The following ATG10 variants were observed in gnomAD, a reference collection of about 807,000 sequenced individuals.
ATG10 encodes the protein ubiquitin-like-conjugating enzyme ATG10.
In ATG10, 30 loss-of-function variants were observed where a neutral mutation model predicts 32.1. That is an observed-to-expected ratio of 0.94 (90% CI 0.70 to 1.27). ATG10 has a LOEUF of 1.27. ATG10 is among the 50% of genes most tolerant of loss of function. The pLI, the probability that ATG10 is intolerant of heterozygous loss-of-function variation, is 0.00. For synonymous variants in ATG10, 87 were observed against 91.5 expected, an observed-to-expected ratio of 0.95 and a Z score of 0.28; for missense variants, 233 against 262.3, an observed-to-expected ratio of 0.89 and a Z score of 0.77.
At chr5:81,983,412 C>A (rs1327851622) in intron 1 of ATG10, among the ~76,000 whole-genome samples, 8 of 130,804 alleles carry the variant, frequency 6.1e-5, no homozygotes, top group African/African-American at 2.3e-4. Flanking sequence ...AGGCGGGGGG[C>A]TGACTCCCCC....
chr5:82,120,471 A>C (rs1158344556), intron 3 of ATG10, among the ~76,000 whole-genome samples: 1 of 152,206 alleles, frequency 6.6e-6, no homozygotes, highest in Non-Finnish European at 1.5e-5. Flanking sequence ...AGGACTAGTC[A>C]GGCAGGGAAA....
intron 1 of ATG10, among the ~76,000 whole-genome samples, chr5:81,974,659 C>T (rs992397900): frequency 2.0e-5 from 3 of 152,240 alleles, no homozygotes; most frequent in African/African-American, 7.2e-5. Context: ...GGCTGGAGTG[C>T]AGTGGCTATT....
chr5:82,094,225 T>C (rs1458635517), intron 3 of ATG10, among the ~76,000 whole-genome samples: 1 of 152,158 alleles, frequency 6.6e-6, no homozygotes, highest in Non-Finnish European at 1.5e-5. Context: ...ATCTCAGGAA[T>C]CACTGCCCAT....
intron 5 of ATG10, among the ~76,000 whole-genome samples, chr5:82,215,923 G>A (rs896383647): frequency 4.2e-5 from 6 of 141,334 alleles, no homozygotes; most frequent in African/African-American, 1.1e-4. Context: ...CAACAAGAGC[G>A]AAACTCCATC....
chr5:82,104,482 A>T (rs1473145085), intron 3 of ATG10, among the ~76,000 whole-genome samples: 2 of 152,048 alleles, frequency 1.3e-5, no homozygotes, highest in Non-Finnish European at 2.9e-5. Context: ...TAAGTTATTA[A>T]TATAAAAAAT....
intron 2 of ATG10, among the ~76,000 whole-genome samples, chr5:82,040,059 C>T (rs1239804030): frequency 6.6e-6 from 1 of 152,126 alleles, no homozygotes; most frequent in East Asian, 1.9e-4. Context: ...TCCTACATAG[C>T]TTCTCAGGGC....
At chr5:82,025,907 A>G (rs920879133) in intron 2 of ATG10, among the ~76,000 whole-genome samples, 2 of 152,208 alleles carry the variant, frequency 1.3e-5, no homozygotes, top group African/African-American at 4.8e-5. Context: ...ATTTTTTAAG[A>G]TTATGGTAAA....
At chr5:82,063,668 T>G (rs1248418471) in intron 3 of ATG10, among the ~76,000 whole-genome samples, 1 of 152,042 alleles carries the variant, frequency 6.6e-6, no homozygotes, top group Non-Finnish European at 1.5e-5. Context: ...AATTTTTGTA[T>G]TTTTGTAGAG....
intron 3 of ATG10, among the ~76,000 whole-genome samples, chr5:82,119,322 C>G (rs1413477161): frequency 6.6e-6 from 1 of 151,926 alleles, no homozygotes; most frequent in African/African-American, 2.4e-5. Context: ...ACTTTTAAAG[C>G]AATTAAAAGA....
Position 82,252,631 on chromosome 5 carries a change from G to A in ATG10, c.523G>A (p.Val175Ile). 5.0e-6 allele frequency: 8 copies of A among 1,599,442 alleles called. No individual in the cohort carries two copies. Among genetic ancestry groups the A allele is most frequent in the Non-Finnish European group, 6.8e-6 (8 of 1,173,376 alleles). The change falls in exon 6 of 8, where the codon GTA becomes ATA. Residue 175 changes from valine (V) to isoleucine (I), a missense_variant. Val to Ile is a conservative substitution (Grantham distance 29). Transcript: ENST00000282185. ...CAAGACGAATGAATTCATGACTCCT[G>A]TATTAAAGAATTCTCAGAAAATCAA... is the stretch of plus-strand genomic sequence containing the variant. ...PCKTNEFMTP[V>I]LKNSQKINKN...
chr5:81,995,998 C>T lies in ATG10; in HGVS notation c.108+8320C>T, dbSNP rs916106526. Among the ~76,000 whole-genome samples the T allele has an allele frequency of 2.3e-4, 35 of 152,174 alleles. 1 individual carries two copies. Among genetic ancestry groups the T allele is most frequent in the African/African-American group, 7.2e-4 (30 of 41,520 alleles). ...TGATGCAGATCTAGATAACTAGTTGCGATTCTGCTGCGATTGCTAAATATT... is the reference window on the plus strand; with the variant it reads ...TGATGCAGATCTAGATAACTAGTTGTGATTCTGCTGCGATTGCTAAATATT... On this transcript the variant is annotated intron_variant, in intron 2 of 7. Transcript: ENST00000282185.
At position 82,166,970 on chromosome 5, in the gene ATG10, G is replaced by A. The variant is rs186426701; in HGVS notation, c.355+2433G>A. Among the ~76,000 whole-genome samples, 77 of 152,142 alleles carry A rather than the reference G, an allele frequency of 5.1e-4. No homozygotes were observed. In the East Asian group the frequency reaches 0.013, roughly 26 times the overall value. ...CCTGTACCTATTTTTTTAAGGAAAA[G>A]CAAAACAAGTAATAAATAGTTTCCA... On this transcript the variant is annotated intron_variant, in intron 4 of 7. Transcript: ENST00000282185.
At chr5:82,063,033 A>G (rs1341581647) in intron 3 of ATG10, among the ~76,000 whole-genome samples, 1 of 152,178 alleles carries the variant, frequency 6.6e-6, no homozygotes, top group Non-Finnish European at 1.5e-5. Flanking sequence ...AAAATACCTC[A>G]GATGGCCAGG....
Position 82,202,420 on chromosome 5 carries a change from C to T in ATG10, c.453+23833C>T, listed in dbSNP as rs754433655. 3.8e-4 allele frequency among the ~76,000 whole-genome samples: 58 copies of T among 152,140 alleles called. 1 individual carries two copies. The highest frequency in any genetic ancestry group is 2.1e-4 in the South Asian group (1 of 4,826). The stretch of plus-strand genomic sequence containing the variant: ...TTTTGGACTCTTAAAAACAACTCTT[C>T]CCCCCTGCAGACTTTTGACTTGCCA... On this transcript the variant is annotated intron_variant, in intron 5 of 7. Coordinates refer to ENST00000282185, the MANE Select transcript of ATG10 (RefSeq NM_031482.5).
At chr5:82,030,983 C>CATT (rs1222172500) in intron 2 of ATG10, among the ~76,000 whole-genome samples, 5 of 149,756 alleles carry the variant, frequency 3.3e-5, no homozygotes, top group Admixed American at 2.7e-4. Context: ...ACCTCACAAT[C>CATT]ATTATTATTA....
intron 3 of ATG10, among the ~76,000 whole-genome samples, chr5:82,115,604 G>A (rs2149819447): frequency 6.6e-6 from 1 of 152,128 alleles, no homozygotes; most frequent in African/African-American, 2.4e-5. Context: ...CTGTCATTTG[G>A]CTTTAAGTTT....
At chr5:82,139,822 C>T in intron 3 of ATG10, among the ~76,000 whole-genome samples, 1 of 142,326 alleles carries the variant, frequency 7.0e-6, no homozygotes, top group East Asian at 2.3e-4. Context: ...GGCCAGCCAC[C>T]CCATCCGGGA....
intron 2 of ATG10, chr5:82,009,719 C>T: frequency 6.3e-7 from 1 of 1,591,322 alleles, no homozygotes; most frequent in Non-Finnish European, 8.6e-7. Context: ...AGATCACATG[C>T]ATGCCATCCA....
intron 7 of ATG10, 46 bp downstream of exon 7, chr5:82,253,475 A>C: frequency 7.8e-7 from 1 of 1,274,786 alleles, no homozygotes; most frequent in Non-Finnish European, 1.1e-6. Flanking sequence ...ACAAAGATCA[A>C]TGTCTCCATT....
Sources: gnomAD v4.1 joint callset for allele counts (sites outside exome capture counted in the v4.1 genomes callset) on GRCh38, gnomAD v4.1.1 for gene constraint, MANE v1.5 for transcripts, NCBI Gene and HGNC (gene_info 2026-07-23, HGNC 2026-07-21) for gene names.